Variants in MAP4 observed in about 807,000 individuals in gnomAD.
MAP4 encodes the protein microtubule associated protein 4.
MAP4 carries 76 observed loss-of-function variants against 170.2 expected under a neutral mutation model. The observed-to-expected ratio is 0.45, with a 90% CI of 0.37 to 0.54. MAP4 has a LOEUF of 0.54. MAP4 is among the 20% of genes least tolerant of loss of function. The pLI is 0.00. For synonymous variants in MAP4, 909 were observed against 994.5 expected (o/e 0.91, Z 1.62); for missense variants, 2,506 against 2,748.0 (o/e 0.91, Z 1.97).
At chr3:48,083,829 T>G (rs1165628627) in intron 1 of MAP4, among the ~76,000 whole-genome samples, 1 of 151,264 alleles carries the variant, frequency 6.6e-6, no homozygotes, top group East Asian at 2.0e-4. Context: ...CAGATTCAAG[T>G]GATTCTCCTG....
chr3:47,863,225 C>T (rs558668410), intron 17 of MAP4, among the ~76,000 whole-genome samples: 26 of 152,338 alleles, frequency 1.7e-4, no homozygotes, highest in African/African-American at 6.3e-4. Context: ...ATCTGCCTGC[C>T]TTGGCTTCCC....
At chr3:47,963,735 T>C (rs1017012965) in intron 3 of MAP4, among the ~76,000 whole-genome samples, 2 of 152,200 alleles carry the variant, frequency 1.3e-5, no homozygotes, top group African/African-American at 4.8e-5. Flanking sequence ...GCCCTGTCCC[T>C]CTCATAAAAT....
At position 47,909,906 on chromosome 3, in the gene MAP4, T is replaced by C. The variant is rs1321761993; in HGVS notation, c.4515A>G (p.Thr1505=). 2.2e-5 allele frequency: 35 copies of C among 1,613,904 alleles called. No individual in the cohort carries two copies. In the Admixed American group the frequency reaches 5.7e-4, roughly 26 times the overall value. ...TTGTAATAGGTAGAGCAACTCCTCC[T>C]GTGCTTGTAGAGGGCACAACAGCAG... ...GPSAVVPSTS[T]GGVALPITTA... is the part of the protein sequence containing the mutation. The change falls in exon 9 of 21, where the codon ACA becomes ACG. Residue 1505 remains threonine, a synonymous_variant. Coordinates refer to ENST00000683076, the MANE Select transcript of MAP4 (RefSeq NM_001385682.1).
chr3:47,913,290 A>C (rs1438790967), intron 8 of MAP4, among the ~76,000 whole-genome samples: 1 of 152,094 alleles, frequency 6.6e-6, no homozygotes, highest in African/African-American at 2.4e-5. Flanking sequence ...TGACCCAATA[A>C]ATTGATTTCC....
At chr3:48,088,241 T>C (rs1559931167) in intron 1 of MAP4, among the ~76,000 whole-genome samples, 1 of 136,236 alleles carries the variant, frequency 7.3e-6, no homozygotes. Flanking sequence ...CCCCACACAG[T>C]GTCGGGGCCT....
intron 4 of MAP4, among the ~76,000 whole-genome samples, chr3:47,922,351 T>A (rs1223963240): frequency 6.6e-6 from 1 of 152,202 alleles, no homozygotes; most frequent in East Asian, 1.9e-4. Flanking sequence ...ATTCACTAAT[T>A]CATTTGTTAT....
chr3:47,995,228 T>C (rs1023635939), intron 2 of MAP4, among the ~76,000 whole-genome samples: 12 of 150,640 alleles, frequency 8.0e-5, no homozygotes, highest in Non-Finnish European at 1.3e-4. Context: ...TTGTAAGCAA[T>C]GATAGCAACT....
At chr3:48,015,794 T>C (rs998803804) in intron 1 of MAP4, among the ~76,000 whole-genome samples, 2 of 152,226 alleles carry the variant, frequency 1.3e-5, no homozygotes, top group East Asian at 1.9e-4. Context: ...AGGAATCAAC[T>C]ACCAACTTAC....
chr3:47,867,138 A>G, intron 17 of MAP4, 108 bp downstream of exon 17: 1 of 755,054 alleles, frequency 1.3e-6, no homozygotes, highest in Non-Finnish European at 2.3e-6. Context: ...ACAGAACGCT[A>G]CAGCTCAGGT....
At chr3:48,031,552 AAAAAAAAC>A (rs1237171546) in intron 1 of MAP4, among the ~76,000 whole-genome samples, 3 of 152,068 alleles carry the variant, frequency 2.0e-5, no homozygotes, top group African/African-American at 4.8e-5. Flanking sequence ...CTCCATCTCA[AAAAAAAAC>A]AAAAAAACAA....
chr3:48,060,294 A>G (rs749047775), intron 1 of MAP4, among the ~76,000 whole-genome samples: 11 of 152,178 alleles, frequency 7.2e-5, no homozygotes, highest in Non-Finnish European at 1.6e-4. Flanking sequence ...GCTACAGAAT[A>G]AAGTCCAAGA....
At position 47,911,654 on chromosome 3, in the gene MAP4, T is replaced by G. The variant is rs966472742; in HGVS notation, c.2767A>C (p.Asn923His). Residue 923 changes from asparagine (N) to histidine (H), a missense_variant, in exon 9 of 21, where the codon AAT becomes CAT. Around this residue, in one of 3 missense-constraint regions of MAP4, gnomAD observed 2,008 missense variants for 2,206.0 expected, o/e 0.91. Coordinates refer to ENST00000683076, the MANE Select transcript of MAP4 (RefSeq NM_001385682.1). This position sits in a 1 kb window ranked among gnomAD's most constrained non-coding sequence, Gnocchi z 4.0. ...ACTTCTGCTAGGGGTCCTTTCAGAT[T>G]GAGAGGGCCTACTGACTGGCTTTTA... The part of the protein sequence containing the change: ...VDKSQSVGPL[N>H]LKGPLAEVSA... 6.5e-7 allele frequency: 1 copy of G among 1,535,968 alleles called. No homozygotes were observed. The highest frequency in any genetic ancestry group is 8.7e-7 in the Non-Finnish European group (1 of 1,146,880).
At chr3:48,015,735 A>G (rs545982793) in intron 1 of MAP4, among the ~76,000 whole-genome samples, 18 of 152,180 alleles carry the variant, frequency 1.2e-4, no homozygotes, top group Non-Finnish European at 2.1e-4. Context: ...TATACTTTCA[A>G]GCAAAATGAT....
intron 1 of MAP4, among the ~76,000 whole-genome samples, chr3:48,026,831 T>C (rs1245978209): frequency 6.6e-6 from 1 of 152,200 alleles, no homozygotes; most frequent in African/African-American, 2.4e-5. Flanking sequence ...TGAAATAAAG[T>C]ATTAAAATGT....
Position 47,916,722 on chromosome 3 carries a change from C to T in MAP4, c.1105G>A (p.Asp369Asn), listed in dbSNP as rs754949216. The change falls in exon 7 of 21, where the codon GAC becomes AAC. Residue 369 changes from aspartate to asparagine, a missense_variant. Around this residue, in one of 3 missense-constraint regions of MAP4, gnomAD observed 2,008 missense variants for 2,206.0 expected, o/e 0.91. Coordinates refer to ENST00000683076, the MANE Select transcript of MAP4 (RefSeq NM_001385682.1). ...TTGTTTTCTTTGGGTGGTCCCATGT[C>T]CTTGGAAGGGGCTAAGTCCATTTTT... ...PIKMDLAPSKDMGPPKENKKE... is the reference protein window; with the variant it reads ...PIKMDLAPSKNMGPPKENKKE... The T allele has an allele frequency of 1.2e-6, 2 of 1,614,170 alleles. No homozygotes were observed. Among genetic ancestry groups the T allele is most frequent in the East Asian group, 2.2e-5 (1 of 44,874 alleles).
intron 1 of MAP4, among the ~76,000 whole-genome samples, chr3:48,061,501 T>G (rs889971675): frequency 1.4e-4 from 21 of 152,316 alleles, no homozygotes; most frequent in African/African-American, 4.6e-4. Flanking sequence ...GTGCTCAATG[T>G]TGCCCAGGCT....
At chr3:47,890,943 G>C in intron 10 of MAP4, 1 of 1,192,656 alleles carries the variant, frequency 8.4e-7, no homozygotes. Context: ...AAGCTGCTTA[G>C]TGCTCTGCCG....
intron 5 of MAP4, 27 bp downstream of exon 5, chr3:47,921,738 G>A (rs753985001): frequency 7.1e-7 from 1 of 1,404,484 alleles, no homozygotes. Flanking sequence ...CTTCCCTACA[G>A]AATAAATCCA....
At chr3:48,066,887 C>G (rs1417365617) in intron 1 of MAP4, among the ~76,000 whole-genome samples, 1 of 116,192 alleles carries the variant, frequency 8.6e-6, no homozygotes, top group Admixed American at 1.3e-4. Context: ...GTCGCCCAGG[C>G]TGGAGAGCAG....
Sources: gnomAD v4.1 joint callset for allele counts (sites outside exome capture counted in the v4.1 genomes callset) on GRCh38, gnomAD v4.1.1 for gene constraint, gnomAD v4.1.1 regional missense constraint, Gnocchi (gnomAD v3.1) non-coding constraint, MANE v1.5 for transcripts, NCBI Gene and HGNC (gene_info 2026-07-23, HGNC 2026-07-21) for gene names.